Variants in CAMSAP1 observed in about 807,000 individuals in gnomAD.
The protein encoded by CAMSAP1 is calmodulin regulated spectrin associated protein 1, also known as calmodulin-regulated spectrin-associated protein 1.
A neutral mutation model predicts 143.5 loss-of-function variants in CAMSAP1; 58 were observed. The ratio of observed to expected loss-of-function variants is 0.40; its 90% CI spans 0.33 to 0.50. The LOEUF is 0.50. Among genes scored for constraint, CAMSAP1 ranks in the 20% least tolerant of loss-of-function variants. The pLI, the probability that CAMSAP1 is intolerant of heterozygous loss-of-function variation, is 0.45. For synonymous variants in CAMSAP1, 945 were observed against 859.3 expected, an observed-to-expected ratio of 1.10 and a Z score of -1.74; for missense variants, 1,969 against 2,115.7, an observed-to-expected ratio of 0.93 and a Z score of 1.36.
intron 7 of CAMSAP1, among the ~76,000 whole-genome samples, chr9:135,838,372 A>T (rs1391157392): frequency 6.8e-6 from 1 of 147,336 alleles, no homozygotes; most frequent in Non-Finnish European, 1.5e-5. Flanking sequence ...GACACATGTC[A>T]TCACGCACTT....
intron 7 of CAMSAP1, among the ~76,000 whole-genome samples, chr9:135,831,257 A>G (rs1303175685): frequency 6.6e-6 from 1 of 152,220 alleles, no homozygotes; most frequent in Non-Finnish European, 1.5e-5. Context: ...GTAAAAAAGG[A>G]AATCAAAAGG....
Position 135,809,298 on chromosome 9 carries a change from C to T in CAMSAP1, c.*2011G>A, listed in dbSNP as rs577527683. 4.6e-5 allele frequency: 7 copies of T among 152,312 alleles called. No homozygotes were observed. The highest frequency in any genetic ancestry group is 4.1e-4 in the South Asian group (2 of 4,826). 9.4% of individuals were successfully genotyped at this position (152,312 alleles called of 1,614,324 possible). A position where few individuals can be genotyped will look rare whatever the true frequency, so the allele number is the denominator to read the frequency against. ...TGTCCATGCCACATTAGTGCTTACTCGCAACGAACAGTGAAAACTACACGC... is the reference window on the plus strand; with the variant it reads ...TGTCCATGCCACATTAGTGCTTACTTGCAACGAACAGTGAAAACTACACGC... On this transcript the variant is annotated 3_prime_UTR_variant, in exon 17 of 17. Transcript: ENST00000389532.
chr9:135,872,542 A>G (rs1333589633), intron 3 of CAMSAP1, among the ~76,000 whole-genome samples: 1 of 152,248 alleles, frequency 6.6e-6, no homozygotes, highest in Non-Finnish European at 1.5e-5. Flanking sequence ...CATTAAATGC[A>G]ATTGGTTTAA....
At chr9:135,896,734 T>C (rs1336569344) in intron 1 of CAMSAP1, among the ~76,000 whole-genome samples, 1 of 152,184 alleles carries the variant, frequency 6.6e-6, no homozygotes, top group Non-Finnish European at 1.5e-5. Flanking sequence ...AATTAAAAGT[T>C]TGAAATCATT....
At chr9:135,870,553 G>A (rs998053597) in intron 3 of CAMSAP1, among the ~76,000 whole-genome samples, 2 of 152,178 alleles carry the variant, frequency 1.3e-5, no homozygotes, top group South Asian at 4.1e-4. Context: ...CAGCACTTTG[G>A]GAGCCCGAGG....
chr9:135,890,394 C>A (rs1444222009), intron 1 of CAMSAP1, among the ~76,000 whole-genome samples: 3 of 152,142 alleles, frequency 2.0e-5, no homozygotes, highest in African/African-American at 7.2e-5. Context: ...GCAGAAGACG[C>A]AATCCAGAGA....
At chr9:135,906,784 G>A (rs1007698075) in intron 1 of CAMSAP1, among the ~76,000 whole-genome samples, 6 of 151,952 alleles carry the variant, frequency 3.9e-5, no homozygotes, top group Admixed American at 2.0e-4. Flanking sequence ...GCCGCCCTCC[G>A]CCGCAGGGAC....
At chr9:135,893,252 G>A (rs1286554500) in intron 1 of CAMSAP1, among the ~76,000 whole-genome samples, 1 of 148,088 alleles carries the variant, frequency 6.8e-6, no homozygotes, top group Non-Finnish European at 1.5e-5. Flanking sequence ...GAGACGAGAA[G>A]GAGAGAGATG....
intron 1 of CAMSAP1, among the ~76,000 whole-genome samples, chr9:135,905,220 G>T (rs570260164): frequency 8.8e-4 from 134 of 152,316 alleles, no homozygotes; most frequent in African/African-American, 3.1e-3. Context: ...ACCTGGTACC[G>T]GAAGTGAAAC....
intron 3 of CAMSAP1, among the ~76,000 whole-genome samples, chr9:135,878,329 T>C (rs1837820594): frequency 6.6e-6 from 1 of 151,864 alleles, no homozygotes; most frequent in Non-Finnish European, 1.5e-5. Context: ...GAGGAGAGAC[T>C]CAGAACATGG....
chr9:135,815,067 TA>T, intron 16 of CAMSAP1, 29 bp downstream of exon 16: 1 of 1,490,492 alleles, frequency 6.7e-7, no homozygotes, highest in Non-Finnish European at 9.3e-7. Context: ...TTATTCCACA[TA>T]AAAACTGAGG....
intron 1 of CAMSAP1, among the ~76,000 whole-genome samples, chr9:135,906,568 C>A (rs1247855880): frequency 2.0e-5 from 3 of 152,242 alleles, no homozygotes; most frequent in Non-Finnish European, 4.4e-5. Context: ...TTGTAAGCAT[C>A]AAAATTCATA....
At chr9:135,848,706 G>C (rs1015105399) in intron 7 of CAMSAP1, among the ~76,000 whole-genome samples, 57 of 152,310 alleles carry the variant, frequency 3.7e-4, no homozygotes, top group African/African-American at 1.3e-3. Flanking sequence ...TTGTGGCATG[G>C]ACATAGAACA....
Position 135,882,837 on chromosome 9 carries a change from G to A in CAMSAP1, c.402C>T (p.Leu134=), listed in dbSNP as rs1323546081. The A allele has an allele frequency of 6.4e-7, 1 of 1,551,034 alleles. No homozygotes were observed. The highest frequency in any genetic ancestry group is 1.4e-5 in the African/African-American group (1 of 73,026). The change falls in exon 2 of 17, where the codon CTC becomes CTT. Residue 134 remains leucine, a synonymous_variant. Coordinates refer to ENST00000389532, the MANE Select transcript of CAMSAP1 (RefSeq NM_015447.4). The surrounding 1 kb of genome is among the most constrained non-coding windows in gnomAD (Gnocchi z 4.9). ...TCACCATTTTTATGGGTGCGCGACT[G>A]AGGTCGGACTCTGTCACGGGGGTGT... The part of the protein sequence containing the change: ...SDDTPVTESD[L]SRAPIKMSAH...
chr9:135,839,717 G>T (rs1183081563), intron 7 of CAMSAP1, among the ~76,000 whole-genome samples: 1 of 152,062 alleles, frequency 6.6e-6, no homozygotes, highest in African/African-American at 2.4e-5. Flanking sequence ...TGTGCCTTGG[G>T]ACCGAGCCTG....
intron 4 of CAMSAP1, chr9:135,865,396 G>C (rs1267843972): frequency 1.3e-6 from 2 of 1,550,062 alleles, no homozygotes; most frequent in African/African-American, 2.7e-5. Context: ...GAAGGCAGGA[G>C]AGGAGCATCA....
intron 1 of CAMSAP1, among the ~76,000 whole-genome samples, chr9:135,904,964 CA>C (rs1299738351): frequency 0.047 from 5,031 of 107,790 alleles, 75 homozygotes; most frequent in Non-Finnish European, 0.057. Context: ...GACTCCGTCT[CA>C]AAAAAAAAAA....
At chr9:135,814,126 C>T (rs945652993) in intron 16 of CAMSAP1, among the ~76,000 whole-genome samples, 1 of 152,222 alleles carries the variant, frequency 6.6e-6, no homozygotes. Context: ...GTGTGGAAAT[C>T]TAAGCAGGAA....
intron 15 of CAMSAP1, among the ~76,000 whole-genome samples, chr9:135,815,576 G>A (rs1007872461): frequency 1.3e-5 from 2 of 152,190 alleles, no homozygotes; most frequent in Non-Finnish European, 2.9e-5. Context: ...CTGAGCCCAC[G>A]CCTGCTCCAA....
Sources: gnomAD v4.1 joint callset for allele counts (sites outside exome capture counted in the v4.1 genomes callset) on GRCh38, gnomAD v4.1.1 for gene constraint, Gnocchi (gnomAD v3.1) non-coding constraint, MANE v1.5 for transcripts, NCBI Gene and HGNC (gene_info 2026-07-23, HGNC 2026-07-21) for gene names.